Variants in C4orf36 observed in about 807,000 individuals in gnomAD.
C4orf36 encodes the protein chromosome 4 open reading frame 36.
In C4orf36, 11 loss-of-function variants were observed where a neutral mutation model predicts 12.2. The ratio of observed to expected loss-of-function variants is 0.90; its 90% CI spans 0.57 to 1.49. C4orf36 has a LOEUF of 1.49. C4orf36 is among the 40% of genes most tolerant of loss of function. C4orf36 has a pLI of 0.00. For synonymous variants in C4orf36, 54 were observed against 51.3 expected, an observed-to-expected ratio of 1.05 and a Z score of -0.22; for missense variants, 137 against 133.9, an observed-to-expected ratio of 1.02 and a Z score of -0.11.
chr4:86,907,635 A>G, the C4orf36 span, among the ~76,000 whole-genome samples: 1 of 152,204 alleles, frequency 6.6e-6, no homozygotes, highest in African/African-American at 2.4e-5. Flanking sequence ...GGAATGAAAA[A>G]GAGACAGGGC....
Position 86,892,169 on chromosome 4 carries a change from G to T in C4orf36, c.-74+14C>A, listed in dbSNP as rs1747445891. 2 of 985,592 alleles carry T rather than the reference G, an allele frequency of 2.0e-6. No homozygotes were observed. The allele number at this position is 985,592 out of a possible 1,614,324, so 61.1% of individuals were successfully genotyped here. On this transcript the variant is annotated intron_variant, in intron 1 of 4. Transcript: ENST00000295898. ...GGAGAAGGGAACGGCCTCAGCCTCG[G>T]CTCCTTCCCACACCTGGGCCCCACC...
At chr4:86,919,535 G>C in the C4orf36 span, among the ~76,000 whole-genome samples, 2,993 of 151,818 alleles carry the variant, frequency 0.02, 109 homozygotes, top group African/African-American at 0.068. Context: ...ATGTTGGCCA[G>C]GCTGGTCTTG....
intron 2 of C4orf36, chr4:86,889,916 C>T (rs1255048656): frequency 1.6e-5 from 6 of 372,404 alleles, no homozygotes; most frequent in African/African-American, 4.3e-5. Context: ...GATCTCCAGC[C>T]GGGCATGGTG....
the C4orf36 span, chr4:86,935,650 A>G: frequency 6.6e-6 from 1 of 151,816 alleles, no homozygotes; most frequent in African/African-American, 2.4e-5. Flanking sequence ...GGCGGGGAAA[A>G]GTGGGGTTCT....
At chr4:86,884,924 T>C (rs544311219) in intron 4 of C4orf36, among the ~76,000 whole-genome samples, 65 of 152,332 alleles carry the variant, frequency 4.3e-4, no homozygotes, top group African/African-American at 1.5e-3. Flanking sequence ...TACATATGGC[T>C]AGCCAGTTTT....
Sources: gnomAD v4.1 joint callset for allele counts (sites outside exome capture counted in the v4.1 genomes callset) on GRCh38, gnomAD v4.1.1 for gene constraint, MANE v1.5 for transcripts, NCBI Gene and HGNC (gene_info 2026-07-23, HGNC 2026-07-21) for gene names.